Variants in TMEM132D observed in about 807,000 individuals in gnomAD.
The protein encoded by TMEM132D is mature OL transmembrane protein.
In TMEM132D, 21 loss-of-function variants were observed where a neutral mutation model predicts 62.3. The ratio of observed to expected loss-of-function variants is 0.34; its 90% CI spans 0.24 to 0.49. The LOEUF (loss-of-function observed/expected upper bound fraction) is 0.49. Ranked by LOEUF, TMEM132D falls within the 20% of genes least tolerant of loss-of-function variation. TMEM132D has a pLI of 0.99. For synonymous variants in TMEM132D, 621 were observed against 575.6 expected, an observed-to-expected ratio of 1.08 and a Z score of -1.13; for missense variants, 1,346 against 1,402.8, an observed-to-expected ratio of 0.96 and a Z score of 0.65.
At chr12:129,539,044 A>T (rs1876505514) in intron 2 of TMEM132D, among the ~76,000 whole-genome samples, 1 of 150,682 alleles carries the variant, frequency 6.6e-6, no homozygotes, top group South Asian at 2.1e-4. Context: ...CTGAGTCTTG[A>T]TGTCCATGGC....
In TMEM132D at chr12:129,354,870, C is replaced by T. The variant is rs1869989152; in HGVS notation, c.1116-17053G>A. ...GCCTAATATGCTCCCACCTCTTCTTCCAGTGCAAGAACATGCATGCTTATA... is the reference window on the plus strand; with the variant it reads ...GCCTAATATGCTCCCACCTCTTCTTTCAGTGCAAGAACATGCATGCTTATA... On this transcript the variant is annotated intron_variant, in intron 3 of 8. Coordinates refer to ENST00000422113, the MANE Select transcript of TMEM132D (RefSeq NM_133448.3). Among the ~76,000 whole-genome samples the T allele has an allele frequency of 2.6e-5, 4 of 152,314 alleles. No individual in the cohort carries two copies. The South Asian group carries it at 8.3e-4, about 32-fold the overall frequency.
rs1880650496 is a variant in TMEM132D at position 129,265,086 on chromosome 12, AC to A, written c.1300-55424del. ...GGAAAAAAAAATCCTCCAAAACAAA[AC>A]TTTTCTTTCATAATGGTTCCTACAA... On this transcript the variant is annotated intron_variant, in intron 4 of 8. Transcript: ENST00000422113. 1.4e-4 allele frequency among the ~76,000 whole-genome samples: 21 copies of A among 152,082 alleles called. No individual in the cohort carries two copies. The South Asian group carries it at 4.4e-3, about 32-fold the overall frequency.
At chr12:129,721,037 T>C (rs1383277972) in intron 1 of TMEM132D, among the ~76,000 whole-genome samples, 1 of 152,164 alleles carries the variant, frequency 6.6e-6, no homozygotes, top group Non-Finnish European at 1.5e-5. Flanking sequence ...GGACCACAGG[T>C]GCAGAGAAGT....
intron 3 of TMEM132D, among the ~76,000 whole-genome samples, chr12:129,484,340 C>T (rs944867605): frequency 6.6e-6 from 1 of 152,154 alleles, no homozygotes; most frequent in African/African-American, 2.4e-5. Flanking sequence ...TAACTCTTCA[C>T]CTGGACCAAA....
intron 5 of TMEM132D, among the ~76,000 whole-genome samples, chr12:129,131,128 C>T (rs920457804): frequency 2.6e-5 from 4 of 152,100 alleles, no homozygotes; most frequent in African/African-American, 9.7e-5. Context: ...ATCCTGAAAA[C>T]CAAGTATGTT....
chr12:129,430,771 C>T (rs538777147), intron 3 of TMEM132D, among the ~76,000 whole-genome samples: 12 of 152,352 alleles, frequency 7.9e-5, no homozygotes, highest in Non-Finnish European at 1.8e-4. Context: ...GCGCCTCAGA[C>T]TTCCCCAGTT....
At chr12:129,257,307 C>T (rs188187708) in intron 4 of TMEM132D, among the ~76,000 whole-genome samples, 185 of 151,154 alleles carry the variant, frequency 1.2e-3, no homozygotes, top group African/African-American at 4.3e-3. Flanking sequence ...CCCGGGTTCA[C>T]GCCATTCTCC....
chr12:129,380,157 G>A (rs1870896598), intron 3 of TMEM132D, among the ~76,000 whole-genome samples: 1 of 151,996 alleles, frequency 6.6e-6, no homozygotes. Context: ...ATAGAATATG[G>A]TAATAACAAC....
intron 5 of TMEM132D, among the ~76,000 whole-genome samples, chr12:129,144,900 CTCTATCTATCTATCTA>C (rs35319395): frequency 2.7e-5 from 4 of 150,856 alleles, no homozygotes; most frequent in Non-Finnish European, 5.9e-5. Context: ...ATCTATCCTG[CTCTATCTATCTATCTA>C]TCTATCTATC....
chr12:129,197,071 C>T (rs1878568943), intron 5 of TMEM132D, among the ~76,000 whole-genome samples: 3 of 152,158 alleles, frequency 2.0e-5, no homozygotes. Context: ...GCATTGCAGG[C>T]CATATGATTT....
At chr12:129,470,056 T>G (rs1452028301) in intron 3 of TMEM132D, among the ~76,000 whole-genome samples, 1 of 152,146 alleles carries the variant, frequency 6.6e-6, no homozygotes, top group Admixed American at 6.5e-5. Context: ...CAACCTAGAA[T>G]CTATACATGG....
chr12:129,602,597 G>A (rs1217977228), intron 2 of TMEM132D, among the ~76,000 whole-genome samples: 3 of 152,078 alleles, frequency 2.0e-5, no homozygotes, highest in Admixed American at 6.5e-5. Flanking sequence ...CTAGTCACAG[G>A]GGCATATGAC....
intron 1 of TMEM132D, among the ~76,000 whole-genome samples, chr12:129,817,346 G>C (rs911479373): frequency 7.9e-5 from 12 of 152,302 alleles, no homozygotes; most frequent in Non-Finnish European, 1.3e-4. Flanking sequence ...CTGCTAGTCA[G>C]CCTTCACCGT....
At chr12:129,446,734 G>C (rs942504346) in intron 3 of TMEM132D, among the ~76,000 whole-genome samples, 1 of 152,146 alleles carries the variant, frequency 6.6e-6, no homozygotes, top group African/African-American at 2.4e-5. Flanking sequence ...AAGAGCTGCT[G>C]TCAAAAATAT....
At chr12:129,479,677 G>A (rs1874376908) in intron 3 of TMEM132D, among the ~76,000 whole-genome samples, 1 of 152,178 alleles carries the variant, frequency 6.6e-6, no homozygotes, top group Non-Finnish European at 1.5e-5. Flanking sequence ...CCCGTGTGAG[G>A]GTCTGAAGAA....
intron 3 of TMEM132D, among the ~76,000 whole-genome samples, chr12:129,433,314 C>A (rs914005187): frequency 3.9e-5 from 6 of 152,136 alleles, no homozygotes; most frequent in African/African-American, 1.4e-4. Context: ...CTCTGTTTAA[C>A]CTTAGTAATT....
rs184594156 is a variant in TMEM132D at position 129,808,306 on chromosome 12, T to C, written c.79+94955A>G. On this transcript the variant is annotated intron_variant, in intron 1 of 8. Coordinates refer to ENST00000422113, the MANE Select transcript of TMEM132D (RefSeq NM_133448.3). The stretch of plus-strand genomic sequence containing the variant: ...TCGAGAATCTAGATGCAGAATAAAA[T>C]TGGGGACTCCACATTGTCATAACTC... Among the ~76,000 whole-genome samples, 193 of 152,222 alleles carry C rather than the reference T, an allele frequency of 1.3e-3. 1 individual carries two copies. Among genetic ancestry groups the C allele is most frequent in the African/African-American group, 4.2e-3 (174 of 41,538 alleles).
At chr12:129,843,087 C>T (rs1020941968) in intron 1 of TMEM132D, among the ~76,000 whole-genome samples, 5 of 152,150 alleles carry the variant, frequency 3.3e-5, no homozygotes, top group African/African-American at 9.6e-5. Context: ...AACAATGTTA[C>T]GAATATAGTA....
At chr12:129,727,969 C>T (rs1261288995) in intron 1 of TMEM132D, among the ~76,000 whole-genome samples, 2 of 152,182 alleles carry the variant, frequency 1.3e-5, no homozygotes, top group African/African-American at 4.8e-5. Context: ...CAGGAAATTA[C>T]GTTCTTTTCT....
Sources: allele counts gnomAD v4.1 joint callset (sites outside exome capture counted in the v4.1 genomes callset), GRCh38; gene constraint gnomAD v4.1.1; transcripts MANE v1.5; gene names NCBI Gene and HGNC (gene_info 2026-07-23, HGNC 2026-07-21).